The following KIF27 variants were observed in gnomAD, a reference collection of about 807,000 sequenced individuals.
The protein encoded by KIF27 is kinesin family member 27, also known as kinesin-like protein KIF27.
KIF27 carries 84 observed loss-of-function variants against 141.8 expected under a neutral mutation model. That is an observed-to-expected ratio of 0.59 (90% confidence interval 0.50 to 0.71). The LOEUF (loss-of-function observed/expected upper bound fraction) is 0.71. KIF27 is among the 30% of genes least tolerant of loss of function. The pLI, the probability that KIF27 is intolerant of heterozygous loss-of-function variation, is 0.00. For synonymous variants in KIF27, 471 were observed against 569.5 expected (o/e 0.83, Z 2.46); for missense variants, 1,306 against 1,628.4 (o/e 0.80, Z 3.41).
chr9:83,900,876 T>C (rs910545940), intron 4 of KIF27, among the ~76,000 whole-genome samples: 7 of 151,666 alleles, frequency 4.6e-5, no homozygotes, highest in African/African-American at 1.5e-4. Flanking sequence ...TAGACAGTTA[T>C]TACCTTTCAG....
At chr9:83,870,391 T>C (rs1950674884) in intron 12 of KIF27, 128 bp downstream of exon 12, 2 of 1,342,994 alleles carry the variant, frequency 1.5e-6, no homozygotes, top group Non-Finnish European at 2.0e-6. Context: ...GGTCTTGAAC[T>C]CCTGACCGCA....
intron 3 of KIF27, among the ~76,000 whole-genome samples, chr9:83,904,246 G>T (rs1378382174): frequency 1.3e-5 from 2 of 152,082 alleles, no homozygotes; most frequent in Non-Finnish European, 2.9e-5. Flanking sequence ...TATTCTAAAA[G>T]CTACAATTTT....
chr9:83,908,360 A>G (rs1363543854), intron 3 of KIF27, 92 bp downstream of exon 3: 1 of 666,034 alleles, frequency 1.5e-6, no homozygotes, highest in Non-Finnish European at 2.4e-6. Context: ...TCTGTTTTTA[A>G]AGATTCCTTG....
At chr9:83,907,206 C>T (rs1316692654) in intron 3 of KIF27, among the ~76,000 whole-genome samples, 3 of 151,552 alleles carry the variant, frequency 2.0e-5, no homozygotes, top group South Asian at 4.2e-4. Flanking sequence ...AGGAGAATGG[C>T]GTGAACCCGG....
intron 9 of KIF27, among the ~76,000 whole-genome samples, chr9:83,884,296 TG>T (rs1951912311): frequency 6.6e-6 from 1 of 152,156 alleles, no homozygotes; most frequent in South Asian, 2.1e-4. Context: ...CCTCTGAATT[TG>T]TAGTTGAGCT....
At chr9:83,854,090 A>G (rs1948918726) in intron 14 of KIF27, among the ~76,000 whole-genome samples, 1 of 152,270 alleles carries the variant, frequency 6.6e-6, no homozygotes, top group Non-Finnish European at 1.5e-5. Context: ...CTGATGGAGT[A>G]AAATGGAAAA....
chr9:83,918,641 C>A (rs993717447), intron 1 of KIF27, among the ~76,000 whole-genome samples: 5 of 152,100 alleles, frequency 3.3e-5, no homozygotes, highest in African/African-American at 1.2e-4. Context: ...AAAATGCAAT[C>A]AAAATCACAA....
chr9:83,895,303 C>T (rs1486397579), intron 5 of KIF27, among the ~76,000 whole-genome samples: 1 of 150,248 alleles, frequency 6.7e-6, no homozygotes, highest in Non-Finnish European at 1.5e-5. Context: ...GTGTAACTCA[C>T]CATATTAGCA....
At chr9:83,876,292 G>C (rs1650175799) in intron 11 of KIF27, among the ~76,000 whole-genome samples, 1 of 152,018 alleles carries the variant, frequency 6.6e-6, no homozygotes, top group African/African-American at 2.4e-5. Context: ...TAGTGTCAAG[G>C]AAATTTAAAA....
chr9:83,851,077 C>T (rs1948532203), intron 15 of KIF27, among the ~76,000 whole-genome samples: 1 of 151,580 alleles, frequency 6.6e-6, no homozygotes, highest in Non-Finnish European at 1.5e-5. Flanking sequence ...ACCTCGTGAT[C>T]TTCCTGCCTC....
Position 83,848,317 on chromosome 9 carries a change from ATATATCTATATATC to A in KIF27, c.3556+1768_3556+1781del, listed in dbSNP as rs1475705018. Among the ~76,000 whole-genome samples the A allele has an allele frequency of 2.6e-4, 29 of 109,654 alleles. 5 individuals are homozygous for A. Among genetic ancestry groups the A allele is most frequent in the African/African-American group, 1.0e-3 (27 of 25,948 alleles). 71.9% of individuals were successfully genotyped at this position (109,654 alleles called of 152,430 possible). A position where few individuals can be genotyped will look rare whatever the true frequency, so the allele number is the denominator to read the frequency against. ...TCAGATATGATATATATGATATATCATATATCTATATATCTATATATATCTATGTATCTATATAT... is the reference window on the plus strand; with the variant it reads ...TCAGATATGATATATATGATATATCATATATATATCTATGTATCTATATAT... On this transcript the variant is annotated intron_variant, in intron 16 of 17. Coordinates refer to ENST00000297814, the MANE Select transcript of KIF27 (RefSeq NM_017576.4).
At chr9:83,855,332 G>A (rs1221932037) in intron 14 of KIF27, among the ~76,000 whole-genome samples, 1 of 152,116 alleles carries the variant, frequency 6.6e-6, no homozygotes, top group Non-Finnish European at 1.5e-5. Context: ...CACCATGCCT[G>A]GCCAATAGTG....
chr9:83,908,575 T>C lies in KIF27; in HGVS notation c.376A>G (p.Ser126Gly), dbSNP rs1954810429. The change falls in exon 3 of 18, where the codon AGC becomes GGC. Residue 126 changes from serine to glycine, a missense_variant. Ser to Gly is a moderately conservative substitution (Grantham distance 56, BLOSUM62 0). Coordinates refer to ENST00000297814, the MANE Select transcript of KIF27 (RefSeq NM_017576.4). ...EIFQSISEHP[S>G]IDFNVKVSYI... ...GATACTTTTACATTAAAGTCAATGC[T>C]AGGATGTTCAGAGATGCTTTGAAAT... 1 of 1,611,768 alleles carries C rather than the reference T, an allele frequency of 6.2e-7. No homozygotes were observed. Among genetic ancestry groups the C allele is most frequent in the East Asian group, 2.2e-5 (1 of 44,820 alleles).
intron 16 of KIF27, among the ~76,000 whole-genome samples, chr9:83,844,091 G>A (rs373019121): frequency 1.8e-4 from 27 of 152,148 alleles, no homozygotes; most frequent in African/African-American, 5.3e-4. Context: ...AGCTGCCAGC[G>A]AATATGAAGC....
intron 11 of KIF27, among the ~76,000 whole-genome samples, chr9:83,873,178 C>T (rs557454063): frequency 1.3e-5 from 2 of 152,234 alleles, no homozygotes; most frequent in East Asian, 1.9e-4. Flanking sequence ...GATCAAACTG[C>T]GAGTTATACC....
At chr9:83,852,130 A>G (rs1948666038) in intron 15 of KIF27, among the ~76,000 whole-genome samples, 1 of 149,882 alleles carries the variant, frequency 6.7e-6, no homozygotes, top group African/African-American at 2.5e-5. Flanking sequence ...GGAAAAAAAA[A>G]ATAAAAGAAC....
intron 16 of KIF27, among the ~76,000 whole-genome samples, chr9:83,848,309 G>GATATATCATATATGATAT (rs1948004466): frequency 2.0e-5 from 2 of 100,122 alleles, no homozygotes; most frequent in Non-Finnish European, 3.8e-5. Flanking sequence ...TGATATATAT[G>GATATATCATATATGATAT]ATATATCATA....
At chr9:83,896,798 T>C (rs1247088227) in intron 5 of KIF27, among the ~76,000 whole-genome samples, 10 of 152,152 alleles carry the variant, frequency 6.6e-5, no homozygotes, top group African/African-American at 2.4e-4. Context: ...AATAGCATAC[T>C]AAGTGAAAGA....
intron 11 of KIF27, among the ~76,000 whole-genome samples, chr9:83,873,594 T>G (rs1168023010): frequency 6.6e-6 from 1 of 152,210 alleles, no homozygotes; most frequent in East Asian, 1.9e-4. Flanking sequence ...GAATTTGGAC[T>G]CTATTATGTT....
Sources: gnomAD v4.1 joint callset for allele counts (sites outside exome capture counted in the v4.1 genomes callset) on GRCh38, gnomAD v4.1.1 for gene constraint, MANE v1.5 for transcripts, NCBI Gene and HGNC (gene_info 2026-07-23, HGNC 2026-07-21) for gene names.